SNX10: variants seen among roughly 807,000 people sequenced by gnomAD.
SNX10 encodes sorting nexin-10.
A neutral mutation model predicts 28.5 loss-of-function variants in SNX10; 25 were observed. The observed-to-expected ratio is 0.88, with a 90% CI of 0.64 to 1.22. The LOEUF (loss-of-function observed/expected upper bound fraction) is 1.22, where lower values mean the gene tolerates loss of function less well. Ranked by LOEUF, SNX10 falls within the 50% of genes most tolerant of loss-of-function variation. The pLI, the probability that SNX10 is intolerant of heterozygous loss-of-function variation, is 0.00. For synonymous variants in SNX10, 62 were observed against 81.4 expected (o/e 0.76, Z 1.28); for missense variants, 223 against 242.6 (o/e 0.92, Z 0.54).
At chr7:26,371,198 A>C (rs2128028891) in intron 5 of SNX10, among the ~76,000 whole-genome samples, 1 of 152,182 alleles carries the variant, frequency 6.6e-6, no homozygotes, top group East Asian at 1.9e-4. Flanking sequence ...GGCTGGGATC[A>C]ATTTTATTTG....
intron 5 of SNX10, among the ~76,000 whole-genome samples, chr7:26,369,836 G>C (rs1025606384): frequency 1.4e-4 from 22 of 152,184 alleles, no homozygotes; most frequent in African/African-American, 5.3e-4. Flanking sequence ...TTGAGGTCCC[G>C]ATCAACCTGG....
chr7:26,301,177 G>T (rs1323987071), intron 1 of SNX10, among the ~76,000 whole-genome samples: 1 of 152,144 alleles, frequency 6.6e-6, no homozygotes, highest in African/African-American at 2.4e-5. Flanking sequence ...ACCACACACA[G>T]AGTGTATGTC....
At position 26,364,209 on chromosome 7, in the gene SNX10, T is replaced by G; in HGVS notation, c.112-326T>G. 8.0e-6 allele frequency: 4 copies of G among 498,300 alleles called. No homozygotes were observed. The highest frequency in any genetic ancestry group is 1.1e-5 in the Non-Finnish European group (4 of 378,948). 30.9% of individuals were successfully genotyped at this position (498,300 alleles called of 1,614,324 possible). On this transcript the variant is annotated intron_variant, in intron 3 of 6. Coordinates refer to ENST00000338523, the MANE Select transcript of SNX10 (RefSeq NM_013322.3). The surrounding 1 kb of genome is among the most constrained non-coding windows in gnomAD (Gnocchi z 4.9). The stretch of plus-strand genomic sequence containing the variant: ...GATGAACCTGAGCTCCTACCTGTCA[T>G]TTATATGTTAGGATTTATTTTTTAT...
intron 2 of SNX10, among the ~76,000 whole-genome samples, chr7:26,359,903 G>A (rs57271652): frequency 0.012 from 1,899 of 152,210 alleles, 44 homozygotes; most frequent in African/African-American, 0.043. Context: ...TGATCTGCCC[G>A]CCTCGGCCTC....
rs951805314 is a variant in SNX10, at chr7:26,373,926, A to T, written c.*1354A>T. ...GCTAAGAAAACTGAGAACTAACATT[A>T]AAAAAATTAAATTTAGAATAAGAAT... is the stretch of plus-strand genomic sequence containing the variant. On this transcript the variant is annotated 3_prime_UTR_variant, in exon 7 of 7. Coordinates refer to ENST00000338523, the MANE Select transcript of SNX10 (RefSeq NM_013322.3). This position sits in a 1 kb window ranked among gnomAD's most constrained non-coding sequence, Gnocchi z 4.2. The T allele has an allele frequency of 3.9e-5, 6 of 152,136 alleles. No homozygotes were observed. Among genetic ancestry groups the T allele is most frequent in the African/African-American group, 1.4e-4 (6 of 41,536 alleles). 9.4% of individuals were successfully genotyped at this position (152,136 alleles called of 1,614,324 possible). A position where few individuals can be genotyped will look rare whatever the true frequency, so the allele number is the denominator to read the frequency against.
At chr7:26,353,781 G>A (rs948181691) in intron 2 of SNX10, among the ~76,000 whole-genome samples, 1 of 152,150 alleles carries the variant, frequency 6.6e-6, no homozygotes, top group Non-Finnish European at 1.5e-5. Context: ...ATCATTAGTT[G>A]TATGGAAAAG....
chr7:26,307,362 C>A (rs1786640467), intron 1 of SNX10, among the ~76,000 whole-genome samples: 2 of 152,226 alleles, frequency 1.3e-5, no homozygotes, highest in African/African-American at 4.8e-5. Context: ...GAACACCAGT[C>A]TTCTTCCAGT....
intron 3 of SNX10, among the ~76,000 whole-genome samples, chr7:26,361,955 T>C (rs7801652): frequency 0.037 from 5,607 of 152,314 alleles, 287 homozygotes; most frequent in African/African-American, 0.12. Flanking sequence ...TTGACCCAGA[T>C]TGTATCCGTG....
chr7:26,295,760 C>T (rs1022158222), intron 1 of SNX10, among the ~76,000 whole-genome samples: 2 of 152,166 alleles, frequency 1.3e-5, no homozygotes, highest in Non-Finnish European at 2.9e-5. Context: ...AATACGACAT[C>T]GTTTGGCATG....
chr7:26,297,806 A>C (rs1786170360), intron 1 of SNX10, among the ~76,000 whole-genome samples: 1 of 152,186 alleles, frequency 6.6e-6, no homozygotes, highest in Non-Finnish European at 1.5e-5. Flanking sequence ...TTATTTCATA[A>C]AGCTGGCTCT....
At chr7:26,347,205 C>G (rs1378227735) in intron 2 of SNX10, among the ~76,000 whole-genome samples, 1 of 152,188 alleles carries the variant, frequency 6.6e-6, no homozygotes, top group African/African-American at 2.4e-5. Flanking sequence ...AAGCATGAAA[C>G]CATTTATTTC....
chr7:26,355,788 A>G (rs1159397946), intron 2 of SNX10, among the ~76,000 whole-genome samples: 1 of 152,222 alleles, frequency 6.6e-6, no homozygotes, highest in African/African-American at 2.4e-5. Context: ...ATCACGAGAT[A>G]GAACATGTTT....
Position 26,339,459 on chromosome 7 carries a change from G to T in SNX10, c.-23-6961G>T, listed in dbSNP as rs13244200. ...TCAAGTGCAATTTTCTTACATGCCA[G>T]GTTGCACAGTGGTGAAGTCAGGCAT... On this transcript the variant is annotated intron_variant, in intron 1 of 6. Transcript: ENST00000338523. 5.3e-5 allele frequency among the ~76,000 whole-genome samples: 8 copies of T among 151,334 alleles called. No homozygotes were observed. In the East Asian group the frequency reaches 1.6e-3, roughly 29 times the overall value.
Position 26,358,805 on chromosome 7 carries a change from G to GTTTTTTTTTTTTTTTTTTTT in SNX10, c.25-2151_25-2150insTTTTTTTTTTTTTTTTTTTT, listed in dbSNP as rs35527687. Among the ~76,000 whole-genome samples, 15 of 100,100 alleles carry GTTTTTTTTTTTTTTTTTTTT rather than the reference G, an allele frequency of 1.5e-4. 1 individual carries two copies. Among genetic ancestry groups the GTTTTTTTTTTTTTTTTTTTT allele is most frequent in the African/African-American group, 4.8e-4 (11 of 22,682 alleles). 65.7% of individuals were successfully genotyped at this position (100,100 alleles called of 152,430 possible). The stretch of plus-strand genomic sequence containing the variant: ...GAGCATCACTATAGTGTTATCTTGT[G>GTTTTTTTTTTTTTTTTTTTT]TTTTTTTTTTTTTTTTTTTGACCAA... On this transcript the variant is annotated intron_variant, in intron 2 of 6. Coordinates refer to ENST00000338523, the MANE Select transcript of SNX10 (RefSeq NM_013322.3).
chr7:26,338,691 A>C (rs1447288566), intron 1 of SNX10, among the ~76,000 whole-genome samples: 5 of 152,090 alleles, frequency 3.3e-5, no homozygotes, highest in Non-Finnish European at 7.4e-5. Flanking sequence ...GGTGTGAGCC[A>C]CTGGGCCCGG....
chr7:26,298,916 C>T (rs1262720192), intron 1 of SNX10, among the ~76,000 whole-genome samples: 4 of 152,194 alleles, frequency 2.6e-5, no homozygotes, highest in Non-Finnish European at 4.4e-5. Context: ...ACGAGGGCCC[C>T]ACCCTTTTAA....
chr7:26,343,266 T>C (rs964902157), intron 1 of SNX10, among the ~76,000 whole-genome samples: 1 of 152,186 alleles, frequency 6.6e-6, no homozygotes, highest in Non-Finnish European at 1.5e-5. Context: ...TACAGAGTCA[T>C]GGAGGCAGCC....
intron 1 of SNX10, among the ~76,000 whole-genome samples, chr7:26,322,264 A>G (rs1787339976): frequency 1.3e-5 from 2 of 152,224 alleles, no homozygotes. Flanking sequence ...GTAAAAAAGA[A>G]CATTGGGAGT....
chr7:26,309,567 T>C (rs1176582528), intron 1 of SNX10, among the ~76,000 whole-genome samples: 1 of 152,122 alleles, frequency 6.6e-6, no homozygotes, highest in African/African-American at 2.4e-5. Flanking sequence ...GGAAGATAAG[T>C]ATTACGTCTT....
Sources: gnomAD v4.1 joint callset for allele counts (sites outside exome capture counted in the v4.1 genomes callset) on GRCh38, gnomAD v4.1.1 for gene constraint, Gnocchi (gnomAD v3.1) non-coding constraint, MANE v1.5 for transcripts, NCBI Gene and HGNC (gene_info 2026-07-23, HGNC 2026-07-21) for gene names.